CNTN4: variants seen among roughly 807,000 people sequenced by gnomAD.
The protein encoded by CNTN4 is contactin 4.
Under a neutral mutation model 122.5 loss-of-function variants are expected in CNTN4, and 77 were observed. The ratio of observed to expected loss-of-function variants is 0.63; its 90% confidence interval spans 0.52 to 0.76. CNTN4 has a LOEUF of 0.76. CNTN4 is among the 30% of genes least tolerant of loss of function. The pLI is 0.00. For synonymous variants in CNTN4, 512 were observed against 447.0 expected (o/e 1.15, Z -1.83); for missense variants, 1,256 against 1,259.1 (o/e 1.00, Z 0.04).
intron 2 of CNTN4, among the ~76,000 whole-genome samples, chr3:2,220,735 T>C (rs535634819): frequency 3.0e-4 from 46 of 152,218 alleles, no homozygotes; most frequent in Non-Finnish European, 5.2e-4. Flanking sequence ...GACACCATAC[T>C]GTAGCATATA....
chr3:2,136,511 C>T (rs78980627), intron 2 of CNTN4, among the ~76,000 whole-genome samples: 418 of 152,106 alleles, frequency 2.7e-3, no homozygotes, highest in African/African-American at 9.4e-3. Context: ...GATATTCTTC[C>T]ATTCTTGTTT....
At chr3:2,204,913 C>A (rs115724252) in intron 2 of CNTN4, among the ~76,000 whole-genome samples, 2,348 of 152,200 alleles carry the variant, frequency 0.015, 69 homozygotes, top group African/African-American at 0.054. Context: ...ATTATCAGTA[C>A]AGAATCCTAT....
At chr3:2,806,836 G>A (rs954973873) in intron 6 of CNTN4, among the ~76,000 whole-genome samples, 8 of 152,088 alleles carry the variant, frequency 5.3e-5, no homozygotes, top group African/African-American at 1.9e-4. Context: ...TGGCAAAGGG[G>A]GGAGTGATTT....
At chr3:2,382,086 A>T (rs928939816) in intron 3 of CNTN4, among the ~76,000 whole-genome samples, 1 of 152,090 alleles carries the variant, frequency 6.6e-6, no homozygotes, top group Admixed American at 6.5e-5. Context: ...ATATGTTTAA[A>T]GTGGACCACT....
At chr3:2,781,959 G>A (rs557533696) in intron 6 of CNTN4, among the ~76,000 whole-genome samples, 121 of 149,760 alleles carry the variant, frequency 8.1e-4, no homozygotes, top group African/African-American at 2.6e-3. Context: ...TCCTGACCTC[G>A]TGATCCCCCC....
At chr3:2,386,353 C>T (rs944574279) in intron 3 of CNTN4, among the ~76,000 whole-genome samples, 3 of 152,134 alleles carry the variant, frequency 2.0e-5, no homozygotes, top group Non-Finnish European at 2.9e-5. Context: ...GACATACAAC[C>T]CATAGTTTTT....
At chr3:2,308,087 G>T (rs1367377118) in intron 2 of CNTN4, among the ~76,000 whole-genome samples, 1 of 151,922 alleles carries the variant, frequency 6.6e-6, no homozygotes, top group African/African-American at 2.4e-5. Flanking sequence ...CTTGACACAG[G>T]GTTATTCAGA....
At chr3:2,866,720 C>T in intron 7 of CNTN4, 32 bp from the exon 8 acceptor site, 1 of 1,579,214 alleles carries the variant, frequency 6.3e-7, no homozygotes, top group Admixed American at 1.7e-5. Flanking sequence ...TGCCAAAAGA[C>T]ATATTTGTAA....
At chr3:2,389,171 G>A (rs866328048) in intron 3 of CNTN4, among the ~76,000 whole-genome samples, 6 of 151,154 alleles carry the variant, frequency 4.0e-5, no homozygotes, top group Middle Eastern at 3.2e-3. Context: ...AAAAAAAAAA[G>A]CCACCTAAGC....
At chr3:2,129,686 AT>A (rs903028736) in intron 2 of CNTN4, among the ~76,000 whole-genome samples, 7 of 150,408 alleles carry the variant, frequency 4.7e-5, no homozygotes, top group African/African-American at 1.7e-4. Flanking sequence ...GTTTCTAACA[AT>A]TTTTTTTTGC....
In CNTN4 at chr3:2,970,797, A is replaced by AT. The variant is rs914163101; in HGVS notation, c.1359-17540dup. On this transcript the variant is annotated intron_variant, in intron 13 of 24. Coordinates refer to ENST00000418658, the MANE Select transcript of CNTN4 (RefSeq NM_175607.3). ...TGGATCATGTACTGTATTCTTTATTATTTTTTTTGAGACCGATTCTCACTC... is the reference window on the plus strand; with the variant it reads ...TGGATCATGTACTGTATTCTTTATTATTTTTTTTTGAGACCGATTCTCACTC... 1.3e-4 allele frequency among the ~76,000 whole-genome samples: 19 copies of AT among 150,420 alleles called. No homozygotes were observed. In the Middle Eastern group the frequency reaches 0.017, roughly 136 times the overall value.
intron 13 of CNTN4, among the ~76,000 whole-genome samples, chr3:2,971,093 G>A (rs1203819208): frequency 2.0e-5 from 3 of 152,182 alleles, no homozygotes; most frequent in Admixed American, 6.5e-5. Flanking sequence ...AGCCTACGCT[G>A]TATTCTTACA....
intron 2 of CNTN4, among the ~76,000 whole-genome samples, chr3:2,172,069 G>A (rs1248684954): frequency 6.6e-6 from 1 of 152,176 alleles, no homozygotes; most frequent in African/African-American, 2.4e-5. Flanking sequence ...GCATCCAGGG[G>A]AAAGCTATTT....
chr3:2,440,918 A>T (rs2048416928), intron 3 of CNTN4, among the ~76,000 whole-genome samples: 1 of 148,546 alleles, frequency 6.7e-6, no homozygotes, highest in Non-Finnish European at 1.5e-5. Context: ...AAATATATAC[A>T]TATATAAAAA....
At chr3:2,439,932 G>A (rs1232554178) in intron 3 of CNTN4, among the ~76,000 whole-genome samples, 1 of 152,048 alleles carries the variant, frequency 6.6e-6, no homozygotes, top group East Asian at 1.9e-4. Context: ...AAAATCTTTG[G>A]GAGTAAATTT....
At chr3:2,576,175 T>C (rs1398620460) in intron 4 of CNTN4, among the ~76,000 whole-genome samples, 6 of 152,276 alleles carry the variant, frequency 3.9e-5, no homozygotes, top group Admixed American at 3.9e-4. Flanking sequence ...CCTACTAGAC[T>C]GTAAGGTTTA....
intron 4 of CNTN4, among the ~76,000 whole-genome samples, chr3:2,673,099 A>G (rs2084630934): frequency 6.6e-6 from 1 of 152,214 alleles, no homozygotes; most frequent in Admixed American, 6.5e-5. Flanking sequence ...TCAATACAAT[A>G]TACAGGGCAG....
intron 3 of CNTN4, among the ~76,000 whole-genome samples, chr3:2,516,176 CAT>C (rs757456719): frequency 9.9e-5 from 15 of 150,770 alleles, no homozygotes; most frequent in African/African-American, 2.4e-4. Context: ...ATATTTGATG[CAT>C]ATATATATAT....
At chr3:2,958,975 G>A (rs554468718) in intron 13 of CNTN4, among the ~76,000 whole-genome samples, 1 of 152,244 alleles carries the variant, frequency 6.6e-6, no homozygotes, top group African/African-American at 2.4e-5. Context: ...TGCCTCCAGG[G>A]AACAGAAGGG....
Sources: gnomAD v4.1 joint callset for allele counts (sites outside exome capture counted in the v4.1 genomes callset) on GRCh38, gnomAD v4.1.1 for gene constraint, MANE v1.5 for transcripts, NCBI Gene and HGNC (gene_info 2026-07-23, HGNC 2026-07-21) for gene names.